FEZ2: variants seen among roughly 807,000 people sequenced by gnomAD.
FEZ2 encodes the protein fasciculation and elongation protein zeta 2.
A neutral mutation model predicts 40.4 loss-of-function variants in FEZ2; 51 were observed. The ratio of observed to expected loss-of-function variants is 1.26; its 90% confidence interval spans 1.01 to 1.59. FEZ2 has a LOEUF of 1.59. Among genes scored for constraint, FEZ2 ranks in the 40% most tolerant of loss-of-function variants. The pLI, the probability that FEZ2 is intolerant of heterozygous loss-of-function variation, is 0.00. For missense variants in FEZ2, 640 were observed against 438.3 expected (o/e 1.46, Z -4.11); for synonymous variants, 242 against 172.0 (o/e 1.41, Z -3.18).
intron 1 of FEZ2, among the ~76,000 whole-genome samples, chr2:36,591,842 C>T: frequency 6.6e-6 from 1 of 152,098 alleles, no homozygotes; most frequent in East Asian, 1.9e-4. Flanking sequence ...ATCCTCTGCC[C>T]TTCTATAAAT....
At chr2:36,553,242 AC>A (rs1667867540) in intron 7 of FEZ2, 63 bp from the exon 8 acceptor site, 1 of 1,144,520 alleles carries the variant, frequency 8.7e-7, no homozygotes, top group Non-Finnish European at 1.3e-6. Flanking sequence ...CACAAAACAT[AC>A]ATTTTACATG....
chr2:36,568,204 G>C (rs563102487), intron 5 of FEZ2, among the ~76,000 whole-genome samples: 1 of 152,144 alleles, frequency 6.6e-6, no homozygotes, highest in Admixed American at 6.5e-5. Context: ...AGACAGAGTG[G>C]GAGGGGGAAG....
intron 2 of FEZ2, among the ~76,000 whole-genome samples, chr2:36,586,729 T>A (rs902283321): frequency 6.6e-6 from 1 of 151,780 alleles, no homozygotes; most frequent in Non-Finnish European, 1.5e-5. Context: ...TCTCCTGAGG[T>A]CAGGACATCA....
rs568625948 is a variant in FEZ2 at position 36,566,272 on chromosome 2, G to A, written c.904-7759C>T. The stretch of plus-strand genomic sequence containing the variant: ...GGAGAATGGCGTGAATCCGGGAGGC[G>A]GAGCTTGCAGTGAGCCGAGATCGCG... On this transcript the variant is annotated intron_variant, in intron 5 of 7. Coordinates refer to ENST00000405912, the MANE Select transcript of FEZ2 (RefSeq NM_005102.3). 1.6e-4 allele frequency among the ~76,000 whole-genome samples: 24 copies of A among 151,952 alleles called. No individual in the cohort carries two copies. The East Asian group carries it at 3.1e-3, about 20-fold the overall frequency.
Position 36,598,078 on chromosome 2 carries a change from TC to T in FEZ2, c.64del (p.Asp22ThrfsTer37), listed in dbSNP as rs1669296132. ...EFQEPARSLL[D>X]QENCNASPEP... Reference sequence around the variant, plus strand: ...GGGGCTCGCGTTACAGTTCTCCTGGTCCAGGAGGCTCCGGGCCGGCTCCTGG... The same window carrying T: ...GGGGCTCGCGTTACAGTTCTCCTGGTCAGGAGGCTCCGGGCCGGCTCCTGG... On this transcript the variant is annotated frameshift_variant, in exon 1 of 8. Transcript: ENST00000405912. LOFTEE classifies it high-confidence loss of function. The T allele has an allele frequency of 6.7e-7, 1 of 1,484,560 alleles. No individual in the cohort carries two copies. 92.0% of individuals were successfully genotyped at this position (1,484,560 alleles called of 1,614,324 possible).
intron 2 of FEZ2, among the ~76,000 whole-genome samples, chr2:36,587,902 C>T (rs78925598): frequency 0.013 from 1,935 of 152,236 alleles, 12 homozygotes; most frequent in Non-Finnish European, 0.023. Flanking sequence ...TGTGCTAATC[C>T]TCCCTGAGAA....
chr2:36,574,915 T>C (rs923967318), intron 5 of FEZ2, among the ~76,000 whole-genome samples: 40 of 152,138 alleles, frequency 2.6e-4, no homozygotes, highest in Admixed American at 2.0e-3. Flanking sequence ...GGTCCACTCC[T>C]TTAACCTCCT....
Position 36,597,971 on chromosome 2 carries a change from G to A in FEZ2, c.172C>T (p.Leu58=). 6.7e-7 allele frequency: 1 copy of A among 1,485,772 alleles called. No homozygotes were observed. Among genetic ancestry groups the A allele is most frequent in the Non-Finnish European group, 8.9e-7 (1 of 1,124,152 alleles). The allele number at this position is 1,485,772 out of a possible 1,614,324, so 92.0% of individuals were successfully genotyped here. The change falls in exon 1 of 8, where the codon CTG becomes TTG. Residue 58 remains leucine, a synonymous_variant. Transcript: ENST00000405912. ...PAPACSLEEK[L]SLCFRPSDPG... The stretch of plus-strand genomic sequence containing the variant: ...TCCGAGGGGCGGAAGCACAGGCTCA[G>A]CTTCTCCTCCAAGCTGCAGGCCGGG...
chr2:36,595,089 C>G (rs1669177305), intron 1 of FEZ2, among the ~76,000 whole-genome samples: 1 of 152,114 alleles, frequency 6.6e-6, no homozygotes, highest in South Asian at 2.1e-4. Flanking sequence ...TCGAATCCTG[C>G]AGAATACTCT....
intron 7 of FEZ2, chr2:36,554,106 C>T: frequency 2.4e-6 from 1 of 409,984 alleles, no homozygotes; most frequent in Non-Finnish European, 5.0e-6. Context: ...CAAGACAAAA[C>T]CACAACACAT....
intron 1 of FEZ2, among the ~76,000 whole-genome samples, chr2:36,596,026 T>C (rs1405631553): frequency 6.6e-6 from 1 of 152,214 alleles, no homozygotes; most frequent in African/African-American, 2.4e-5. Flanking sequence ...CCAGAATGTG[T>C]CCTGGGTTTA....
At chr2:36,575,548 T>C (rs1322742159) in intron 5 of FEZ2, among the ~76,000 whole-genome samples, 1 of 152,192 alleles carries the variant, frequency 6.6e-6, no homozygotes, top group African/African-American at 2.4e-5. Flanking sequence ...AATGAATGAA[T>C]ATTGTTTCAT....
At chr2:36,582,282 T>C (rs1668772967) in intron 3 of FEZ2, among the ~76,000 whole-genome samples, 1 of 152,080 alleles carries the variant, frequency 6.6e-6, no homozygotes, top group African/African-American at 2.4e-5. Context: ...TGAGCATATT[T>C]CCATGCTTTA....
At chr2:36,555,993 T>C in intron 6 of FEZ2, 1 of 618,616 alleles carries the variant, frequency 1.6e-6, no homozygotes, top group Non-Finnish European at 3.1e-6. Context: ...GTTGCTTCCC[T>C]GATTTAAAAT....
chr2:36,580,492 G>A (rs2125235410), intron 4 of FEZ2, among the ~76,000 whole-genome samples: 1 of 152,330 alleles, frequency 6.6e-6, no homozygotes, highest in Admixed American at 6.5e-5. Context: ...CCAGCCTCAG[G>A]CTGTTCACAG....
chr2:36,560,233 T>C (rs1205922771), intron 5 of FEZ2, among the ~76,000 whole-genome samples: 8 of 152,256 alleles, frequency 5.3e-5, no homozygotes, highest in African/African-American at 1.9e-4. Flanking sequence ...GTGTATAATT[T>C]TGTATAAATA....
chr2:36,593,541 T>C (rs928794102), intron 1 of FEZ2, among the ~76,000 whole-genome samples: 3 of 152,136 alleles, frequency 2.0e-5, no homozygotes, highest in Non-Finnish European at 2.9e-5. Context: ...CTGCCAAGGC[T>C]TGGGGCTTGC....
rs1428449820 is a variant in FEZ2 at position 36,562,710 on chromosome 2, TA to T, written c.904-4198del. ...TTCCAATGCTATCATAATTCATTCA[TA>T]TTTTTTAAGCAGATTATCAAATGAG... On this transcript the variant is annotated intron_variant, in intron 5 of 7. Coordinates refer to ENST00000405912, the MANE Select transcript of FEZ2 (RefSeq NM_005102.3). Among the ~76,000 whole-genome samples, 3 of 152,350 alleles carry T rather than the reference TA, an allele frequency of 2.0e-5. No individual in the cohort carries two copies. In the East Asian group the frequency reaches 5.8e-4, roughly 29 times the overall value.
intron 2 of FEZ2, among the ~76,000 whole-genome samples, chr2:36,587,281 T>C (rs924815242): frequency 2.0e-5 from 3 of 152,194 alleles, no homozygotes; most frequent in Non-Finnish European, 4.4e-5. Context: ...AGAGATGGCA[T>C]ATGCTAAGAG....
Sources: gnomAD v4.1 joint callset for allele counts (sites outside exome capture counted in the v4.1 genomes callset) on GRCh38, gnomAD v4.1.1 for gene constraint, MANE v1.5 for transcripts, NCBI Gene and HGNC (gene_info 2026-07-23, HGNC 2026-07-21) for gene names.